Variants in KRT82 observed in about 807,000 individuals in gnomAD.
KRT82 encodes the protein keratin, type II cuticular Hb2.
KRT82 carries 44 observed loss-of-function variants against 48.0 expected under a neutral mutation model. The ratio of observed to expected loss-of-function variants is 0.92; its 90% CI spans 0.72 to 1.18. The LOEUF (loss-of-function observed/expected upper bound fraction) is 1.18, where lower values mean the gene tolerates loss of function less well. Among genes scored for constraint, KRT82 ranks in the 50% most tolerant of loss-of-function variants. The pLI, the probability that KRT82 is intolerant of heterozygous loss-of-function variation, is 0.00. For missense variants in KRT82, 701 were observed against 671.4 expected (o/e 1.04, Z -0.49); for synonymous variants, 297 against 278.3 (o/e 1.07, Z -0.67).
Position 52,403,811 on chromosome 12 carries a change from C to T in KRT82, c.510G>A (p.Glu170=). The change falls in exon 2 of 9, where the codon GAG becomes GAA. Residue 170 remains glutamate, a synonymous_variant. Coordinates refer to ENST00000257974, the MANE Select transcript of KRT82 (RefSeq NM_033033.4). ...GCCGCCGAAGGGCGCTGATATAGCC[C>T]TCGAAGATGGGCTCGATGTTGGTCT... The part of the protein sequence containing the change: ...CCQTNIEPIF[E]GYISALRRQL... 6.2e-7 allele frequency: 1 copy of T among 1,613,844 alleles called. No individual in the cohort carries two copies. Among genetic ancestry groups the T allele is most frequent in the East Asian group, 2.2e-5 (1 of 44,882 alleles).
intron 5 of KRT82, among the ~76,000 whole-genome samples, chr12:52,398,138 A>G (rs1280503488): frequency 1.3e-5 from 2 of 152,228 alleles, no homozygotes; most frequent in East Asian, 3.8e-4. Flanking sequence ...TAGGGTAACA[A>G]TGAGCCCAGA....
chr12:52,394,748 A>G lies in KRT82; in HGVS notation c.*227T>C. 1.7e-6 allele frequency: 1 copy of G among 590,670 alleles called. No individual in the cohort carries two copies. Among genetic ancestry groups the G allele is most frequent in the African/African-American group, 1.9e-5 (1 of 53,772 alleles). 36.6% of individuals were successfully genotyped at this position (590,670 alleles called of 1,614,324 possible). On this transcript the variant is annotated 3_prime_UTR_variant, in exon 9 of 9. Transcript: ENST00000257974. The stretch of plus-strand genomic sequence containing the variant: ...TCTTTCTCTGCCGTCTGTCCCCACC[A>G]TCTGGGCCTAGCTGAGGGTCTGCAC...
In KRT82 at chr12:52,394,160, G is replaced by A. The variant is rs1939672788; in HGVS notation, c.*815C>T. On this transcript the variant is annotated 3_prime_UTR_variant, in exon 9 of 9. Transcript: ENST00000257974. ...GACTCAAAGCAAAAGGAGCTAAAGG[G>A]TTGGGGAACAGGAAGGGGCGGCTAT... 6.6e-6 allele frequency: 1 copy of A among 152,322 alleles called. No homozygotes were observed. The allele number at this position is 152,322 out of a possible 1,614,324, so 9.4% of individuals were successfully genotyped here.
At chr12:52,395,913 G>T in intron 7 of KRT82, 99 bp downstream of exon 7, 1 of 1,512,338 alleles carries the variant, frequency 6.6e-7, no homozygotes, top group South Asian at 1.2e-5. Context: ...ATGAATGTGG[G>T]TAGGGGACGG....
At chr12:52,396,673 G>T (rs1004557457) in intron 6 of KRT82, among the ~76,000 whole-genome samples, 1 of 152,204 alleles carries the variant, frequency 6.6e-6, no homozygotes, top group Non-Finnish European at 1.5e-5. Flanking sequence ...CCTCGTTTCT[G>T]TTGGGGACCT....
At position 52,400,075 on chromosome 12, in the gene KRT82, G is replaced by C; in HGVS notation, c.852C>G (p.Asp284Glu). 1.2e-6 allele frequency: 2 copies of C among 1,614,178 alleles called. No homozygotes were observed. The highest frequency in any genetic ancestry group is 1.6e-4 in the Middle Eastern group (1 of 6,062). ...TGATCTCAGCGATGATGCCGTCCAC[G>C]TCCAGCTCCCGGCTGTTGTCCATCT... is the stretch of plus-strand genomic sequence containing the variant. ...IVKMDNSREL[D>E]VDGIIAEIKA... Residue 284 changes from aspartate (D) to glutamate (E), a missense_variant, in exon 5 of 9, where the codon GAC (aspartate) becomes GAG (glutamate). Transcript: ENST00000257974.
rs146046365 is a variant in KRT82 at position 52,406,065 on chromosome 12, A to G, written c.213T>C (p.Cys71=). The stretch of plus-strand genomic sequence containing the variant: ...ACCCGAAGCCAGGCAGGGTACCTCC[A>G]CACCTGGAGGCTACCCGGGGCCTCC... ...GFGRPRVASR[C]GGTLPGFGYR... is the part of the protein sequence containing the mutation. The change falls in exon 1 of 9, where the codon TGT becomes TGC. Residue 71 remains cysteine (C), a synonymous_variant. Coordinates refer to ENST00000257974, the MANE Select transcript of KRT82 (RefSeq NM_033033.4). The G allele has an allele frequency of 5.0e-5, 80 of 1,613,832 alleles. No homozygotes were observed. Among genetic ancestry groups the G allele is most frequent in the Admixed American group, 2.5e-4 (15 of 60,000 alleles).
Position 52,396,982 on chromosome 12 carries a change from C to T in KRT82, c.969G>A (p.Gly323=), listed in dbSNP as rs1939725024. 6.2e-7 allele frequency: 1 copy of T among 1,613,894 alleles called. No homozygotes were observed. Residue 323 remains glycine (G), a synonymous_variant, in exon 6 of 9, where the codon GGG becomes GGA. Coordinates refer to ENST00000257974, the MANE Select transcript of KRT82 (RefSeq NM_033033.4). The part of the protein sequence containing the change: ...CRYEELRVTA[G]NHCDNLRNRK... ...GGTTGCGGAGGTTGTCACAGTGGTTCCCAGCTGTGACTCTCAGCTCCTCAT... is the reference window on the plus strand; with the variant it reads ...GGTTGCGGAGGTTGTCACAGTGGTTTCCAGCTGTGACTCTCAGCTCCTCAT...
intron 5 of KRT82, among the ~76,000 whole-genome samples, chr12:52,398,654 A>T (rs1277792624): frequency 6.6e-6 from 1 of 152,084 alleles, no homozygotes; most frequent in Non-Finnish European, 1.5e-5. Flanking sequence ...GGCCAGCCAG[A>T]GTGAAACCTG....
rs201633900 is a variant in KRT82, at chr12:52,397,469, T to TA, written c.943-462dup. Among the ~76,000 whole-genome samples the TA allele has an allele frequency of 9.9e-5, 15 of 152,122 alleles. No homozygotes were observed. The South Asian group carries it at 1.2e-3, about 13-fold the overall frequency. ...ATTTGTATGTTTTCCACAAAAACAA[T>TA]AAAAAAAACAAAATGCAATTTATGT... On this transcript the variant is annotated intron_variant, in intron 5 of 8. Coordinates refer to ENST00000257974, the MANE Select transcript of KRT82 (RefSeq NM_033033.4).
chr12:52,395,457 C>T (rs75146746), intron 8 of KRT82, among the ~76,000 whole-genome samples: 4 of 152,314 alleles, frequency 2.6e-5, no homozygotes, highest in East Asian at 1.9e-4. Context: ...CTACTGGTCC[C>T]TCCTTCCTAA....
At chr12:52,398,969 C>A (rs1488211067) in intron 5 of KRT82, among the ~76,000 whole-genome samples, 2 of 152,200 alleles carry the variant, frequency 1.3e-5, no homozygotes, top group Non-Finnish European at 2.9e-5. Flanking sequence ...CCCATCTCCC[C>A]TTTGAATCTT....
At chr12:52,400,288 G>A (rs1027362618) in intron 4 of KRT82, 139 bp from the exon 5 acceptor site, 199 of 921,810 alleles carry the variant, frequency 2.2e-4, no homozygotes, top group Non-Finnish European at 3.1e-4. Context: ...GTCACCAACT[G>A]ACTCCTTGTC....
Position 52,403,869 on chromosome 12 carries a change from T to A in KRT82, c.452A>T (p.Lys151Met), listed in dbSNP as rs370791039. ...LEQKNKLLET[K>M]WNFMQQQRCC... is the part of the protein sequence containing the mutation. ...CCTCTGCTGCTGCATGAAGTTCCAC[T>A]TGGTCTCCAGCAGCTTGTTCTTCTG... is the stretch of plus-strand genomic sequence containing the variant. The change falls in exon 2 of 9, where the codon AAG becomes ATG. Residue 151 changes from lysine to methionine, a missense_variant. Coordinates refer to ENST00000257974, the MANE Select transcript of KRT82 (RefSeq NM_033033.4). 6.2e-7 allele frequency: 1 copy of A among 1,613,920 alleles called. No homozygotes were observed. Among genetic ancestry groups the A allele is most frequent in the Non-Finnish European group, 8.5e-7 (1 of 1,180,036 alleles).
chr12:52,397,058 C>T (rs778210211), intron 5 of KRT82, 50 bp from the exon 6 acceptor site: 14 of 1,600,084 alleles, frequency 8.7e-6, no homozygotes, highest in Non-Finnish European at 6.8e-6. Flanking sequence ...ATGGCATCTC[C>T]TAGCCTCTTT....
At chr12:52,401,457 C>T (rs1046543119) in intron 2 of KRT82, 108 bp from the exon 3 acceptor site, 1 of 1,064,544 alleles carries the variant, frequency 9.4e-7, no homozygotes, top group Non-Finnish European at 1.4e-6. Context: ...ACTGAATGCC[C>T]TGGGGAGTGC....
intron 6 of KRT82, among the ~76,000 whole-genome samples, chr12:52,396,490 T>A (rs1374843511): frequency 6.6e-6 from 1 of 152,196 alleles, no homozygotes; most frequent in African/African-American, 2.4e-5. Flanking sequence ...GCCCAGCTGG[T>A]CTTCCCTAGC....
chr12:52,398,646 C>T (rs1291696059), intron 5 of KRT82, among the ~76,000 whole-genome samples: 1 of 152,052 alleles, frequency 6.6e-6, no homozygotes, highest in Non-Finnish European at 1.5e-5. Flanking sequence ...AGAGGAAGGG[C>T]CAGCCAGAGT....
chr12:52,404,890 C>T (rs572022825), intron 1 of KRT82, among the ~76,000 whole-genome samples: 3 of 152,322 alleles, frequency 2.0e-5, no homozygotes, highest in South Asian at 4.2e-4. Context: ...TGGGCAGCAC[C>T]GTCCAAAGGC....
Sources: gnomAD v4.1 joint callset for allele counts (sites outside exome capture counted in the v4.1 genomes callset) on GRCh38, gnomAD v4.1.1 for gene constraint, MANE v1.5 for transcripts, NCBI Gene and HGNC (gene_info 2026-07-23, HGNC 2026-07-21) for gene names.